Variants in MYO6 observed in about 807,000 individuals in gnomAD.
MYO6 encodes the protein unconventional myosin-VI.
In MYO6, 74 loss-of-function variants were observed where a neutral mutation model predicts 178.7. The observed-to-expected ratio is 0.41, with a 90% confidence interval of 0.34 to 0.50. The LOEUF (loss-of-function observed/expected upper bound fraction) is 0.50, where lower values mean the gene tolerates loss of function less well. Ranked by LOEUF, MYO6 falls within the 20% of genes least tolerant of loss-of-function variation. The pLI is 0.09. For synonymous variants in MYO6, 477 were observed against 504.6 expected, an observed-to-expected ratio of 0.95 and a Z score of 0.73; for missense variants, 1,330 against 1,547.4, an observed-to-expected ratio of 0.86 and a Z score of 2.36.
chr6:75,911,548 T>C, intron 32 of MYO6, 124 bp from the exon 33 acceptor site: 1 of 811,174 alleles, frequency 1.2e-6, no homozygotes, highest in Non-Finnish European at 2.1e-6. Context: ...AATATTTGGC[T>C]TGTGGATAGG....
chr6:75,860,290 TAAAC>T (rs1042273970), intron 14 of MYO6, among the ~76,000 whole-genome samples: 2 of 152,346 alleles, frequency 1.3e-5, no homozygotes, highest in South Asian at 2.1e-4. Context: ...AATTCTGGCA[TAAAC>T]AAACAGGTAA....
Position 75,804,953 on chromosome 6 carries a change from GTACACATATA to G in MYO6, c.-47-12531_-47-12522del, listed in dbSNP as rs544883964. On this transcript the variant is annotated intron_variant, in intron 1 of 34. Coordinates refer to ENST00000369977, the MANE Select transcript of MYO6 (RefSeq NM_004999.4). ...CACATATATACATATATACACATAT[GTACACATATA>G]TACACATATATACACACACATATAT... is the stretch of plus-strand genomic sequence containing the variant. Among the ~76,000 whole-genome samples, 672 of 125,318 alleles carry G rather than the reference GTACACATATA, an allele frequency of 5.4e-3. 5 individuals carry two copies. Among genetic ancestry groups the G allele is most frequent in the South Asian group, 0.011 (44 of 3,918 alleles). The allele number at this position is 125,318 out of a possible 152,430, so 82.2% of individuals were successfully genotyped here.
intron 6 of MYO6, among the ~76,000 whole-genome samples, chr6:75,835,443 T>C (rs983849283): frequency 6.6e-6 from 1 of 152,110 alleles, no homozygotes; most frequent in Non-Finnish European, 1.5e-5. Flanking sequence ...TATATATATA[T>C]TTTTTTGAAA....
At chr6:75,861,586 C>T (rs539819295) in intron 15 of MYO6, among the ~76,000 whole-genome samples, 133 of 152,310 alleles carry the variant, frequency 8.7e-4, no homozygotes, top group African/African-American at 3.0e-3. Flanking sequence ...GCTCTGCTTT[C>T]ATTTTAGTGG....
At chr6:75,907,512 G>T (rs1226129567) in intron 30 of MYO6, 93 bp from the exon 31 acceptor site, 4 of 970,780 alleles carry the variant, frequency 4.1e-6, no homozygotes, top group Non-Finnish European at 6.5e-6. Context: ...AGCTGTTTCC[G>T]GTTTTCAAAC....
chr6:75,841,343 G>T lies in MYO6; in HGVS notation c.781G>T (p.Glu261Ter), dbSNP rs1562235005. 6.2e-7 allele frequency: 1 copy of T among 1,613,886 alleles called. No homozygotes were observed. Among genetic ancestry groups the T allele is most frequent in the Non-Finnish European group, 8.5e-7 (1 of 1,179,986 alleles). ...TGCTGGTGCTTCTGAAGATATTAGA[G>T]AAAAACTTCATTTGAGTTCACCAGA... The part of the protein sequence containing the change: ...LCAGASEDIR[E>*]KLHLSSPDNF... Residue 261 changes from glutamate to a stop codon, truncating the protein, a stop_gained, in exon 9 of 35, where the codon GAA becomes TAA. Coordinates refer to ENST00000369977, the MANE Select transcript of MYO6 (RefSeq NM_004999.4). LOFTEE classifies it high-confidence loss of function.
At position 75,834,828 on chromosome 6, in the gene MYO6, C is replaced by G. The variant is rs73751028; in HGVS notation, c.498-1073C>G. ...GCTGTTATATATATGTGTATATATA[C>G]ATACACACAATTCTGGTTAAGTGAA... is the stretch of plus-strand genomic sequence containing the variant. On this transcript the variant is annotated intron_variant, in intron 6 of 34. Transcript: ENST00000369977. 8.6e-3 allele frequency among the ~76,000 whole-genome samples: 1,314 copies of G among 152,228 alleles called. 16 individuals carry two copies. Among genetic ancestry groups the G allele is most frequent in the African/African-American group, 0.03 (1,236 of 41,548 alleles).
rs138437852 is a variant in MYO6 at position 75,907,674 on chromosome 6, T to C, written c.3246T>C (p.Tyr1082=). 1,411 of 1,613,522 alleles carry C rather than the reference T, an allele frequency of 8.7e-4. 6 individuals carry two copies. In the African/African-American group the frequency reaches 0.015, roughly 17 times the overall value. ...AATATGATCTTAGTAAATGGAAATA[T>C]GCAGAACTACGTGATACCATCAATA... is the stretch of plus-strand genomic sequence containing the variant. ...TKKYDLSKWK[Y]AELRDTINTS... Residue 1082 remains tyrosine, a synonymous_variant, in exon 31 of 35, where the codon TAT becomes TAC. Transcript: ENST00000369977.
chr6:75,750,893 T>C (rs1776834936), intron 1 of MYO6, among the ~76,000 whole-genome samples: 1 of 152,150 alleles, frequency 6.6e-6, no homozygotes, highest in African/African-American at 2.4e-5. Context: ...AAATTAACAT[T>C]CTTAAGATTT....
Position 75,794,385 on chromosome 6 carries a change from A to G in MYO6, c.-47-23116A>G, listed in dbSNP as rs142655305. ...ATTATCATGGAAGTTTAGGGCACCC[A>G]GGATTAAGGCAAGATCCTTCAAGCT... On this transcript the variant is annotated intron_variant, in intron 1 of 34. Transcript: ENST00000369977. Among the ~76,000 whole-genome samples, 826 of 152,350 alleles carry G rather than the reference A, an allele frequency of 5.4e-3. 15 individuals carry two copies. Among genetic ancestry groups the G allele is most frequent in the African/African-American group, 0.019 (793 of 41,578 alleles).
chr6:75,798,843 A>G (rs940948666), intron 1 of MYO6, among the ~76,000 whole-genome samples: 3 of 152,238 alleles, frequency 2.0e-5, no homozygotes, highest in African/African-American at 7.2e-5. Context: ...GATACATTCT[A>G]TATGTGGAAA....
chr6:75,755,195 T>G (rs2149959941), intron 1 of MYO6, among the ~76,000 whole-genome samples: 1 of 152,316 alleles, frequency 6.6e-6, no homozygotes, highest in South Asian at 2.1e-4. Flanking sequence ...ATTGCACCAC[T>G]GCACTCCAGT....
At position 75,805,021 on chromosome 6, in the gene MYO6, A is replaced by ATTTTTTTTTTTTT. The variant is rs58697772; in HGVS notation, c.-47-12472_-47-12460dup. The stretch of plus-strand genomic sequence containing the variant: ...CACACACATATATATATATATATAT[A>ATTTTTTTTTTTTT]TTTTTTTTTTTTTTTTTTTTGAGAC... On this transcript the variant is annotated intron_variant, in intron 1 of 34. Coordinates refer to ENST00000369977, the MANE Select transcript of MYO6 (RefSeq NM_004999.4). 9.1e-5 allele frequency among the ~76,000 whole-genome samples: 7 copies of ATTTTTTTTTTTTT among 77,284 alleles called. 1 individual carries two copies. The highest frequency in any genetic ancestry group is 6.1e-4 in the African/African-American group (6 of 9,846). 50.7% of individuals were successfully genotyped at this position (77,284 alleles called of 152,430 possible). A position where few individuals can be genotyped will look rare whatever the true frequency, so the allele number is the denominator to read the frequency against.
chr6:75,841,451 G>A, intron 9 of MYO6, 73 bp downstream of exon 9: 4 of 1,423,474 alleles, frequency 2.8e-6, no homozygotes, highest in Non-Finnish European at 3.9e-6. Context: ...CACTTTGGGA[G>A]GCTGAGGCGG....
intron 25 of MYO6, among the ~76,000 whole-genome samples, chr6:75,889,701 C>T (rs1778752297): frequency 6.6e-6 from 1 of 152,242 alleles, no homozygotes; most frequent in Non-Finnish European, 1.5e-5. Context: ...GTGTGAGCCA[C>T]TGCACCCGGC....
intron 1 of MYO6, among the ~76,000 whole-genome samples, chr6:75,750,123 C>T (rs1342384473): frequency 7.0e-6 from 1 of 142,190 alleles, no homozygotes; most frequent in African/African-American, 2.6e-5. Context: ...TGAGACGGAG[C>T]CTTGGTCTGT....
chr6:75,894,085 T>G (rs1779111342), intron 28 of MYO6, among the ~76,000 whole-genome samples: 1 of 152,234 alleles, frequency 6.6e-6, no homozygotes, highest in South Asian at 2.1e-4. Flanking sequence ...GAAGTCAATT[T>G]CTAAGGGACT....
intron 1 of MYO6, among the ~76,000 whole-genome samples, chr6:75,805,338 T>G (rs1769967568): frequency 1.3e-5 from 2 of 152,068 alleles, no homozygotes; most frequent in South Asian, 4.1e-4. Flanking sequence ...GGGTAACTTT[T>G]GAAAATAATG....
rs1774114750 is a variant in MYO6, at chr6:75,840,523, A to G, written c.554-62A>G. On this transcript the variant is annotated intron_variant, in intron 7 of 34. Transcript: ENST00000369977. ...ATATATTAACAAATGGAGATATACC[A>G]TGCATATTTTGTAATGTTCCGTCAT... The G allele has an allele frequency of 2.9e-6, 3 of 1,039,776 alleles. No individual in the cohort carries two copies. In the South Asian group the frequency reaches 3.8e-5, roughly 13 times the overall value. 64.4% of individuals were successfully genotyped at this position (1,039,776 alleles called of 1,614,324 possible). A position where few individuals can be genotyped will look rare whatever the true frequency, so the allele number is the denominator to read the frequency against.
Sources: allele counts gnomAD v4.1 joint callset (sites outside exome capture counted in the v4.1 genomes callset), GRCh38; gene constraint gnomAD v4.1.1; transcripts MANE v1.5; gene names NCBI Gene and HGNC (gene_info 2026-07-23, HGNC 2026-07-21).